PLD5: variants seen among roughly 807,000 people sequenced by gnomAD.
The protein encoded by PLD5 is phospholipase D family member 5, also known as inactive phospholipase D5.
A neutral mutation model predicts 61.1 loss-of-function variants in PLD5; 36 were observed. The ratio of observed to expected loss-of-function variants is 0.59; its 90% CI spans 0.45 to 0.78. The LOEUF is 0.78. Ranked by LOEUF, PLD5 falls within the 30% of genes least tolerant of loss-of-function variation. The pLI is 0.00. For missense variants in PLD5, 515 were observed against 644.4 expected, an observed-to-expected ratio of 0.80 and a Z score of 2.17; for synonymous variants, 243 against 242.8, an observed-to-expected ratio of 1.00 and a Z score of -0.01.
At chr1:242,242,603 G>A (rs1031541615) in intron 4 of PLD5, among the ~76,000 whole-genome samples, 1 of 152,082 alleles carries the variant, frequency 6.6e-6, no homozygotes, top group Admixed American at 6.6e-5. Flanking sequence ...CATTAATCAC[G>A]GATCGTAGAC....
chr1:242,403,887 A>AAG (rs1284795414), intron 1 of PLD5, among the ~76,000 whole-genome samples: 3 of 152,136 alleles, frequency 2.0e-5, no homozygotes, highest in African/African-American at 7.2e-5. Context: ...GAACTAGATG[A>AAG]ACTCTGAGGT....
chr1:242,392,548 T>G (rs1662995369), intron 1 of PLD5, among the ~76,000 whole-genome samples: 1 of 152,188 alleles, frequency 6.6e-6, no homozygotes, highest in Non-Finnish European at 1.5e-5. Context: ...GCAGTGAGAA[T>G]CCGGTTTCCC....
intron 5 of PLD5, among the ~76,000 whole-genome samples, chr1:242,211,026 A>T (rs1363387605): frequency 6.6e-6 from 1 of 152,228 alleles, no homozygotes; most frequent in African/African-American, 2.4e-5. Context: ...CCGTTCTGTA[A>T]CATAGAAGTG....
In PLD5 at chr1:242,113,959, T is replaced by A; in HGVS notation, c.1001A>T (p.Asp334Val). The A allele has an allele frequency of 6.2e-7, 1 of 1,614,158 alleles. No individual in the cohort carries two copies. Among genetic ancestry groups the A allele is most frequent in the Non-Finnish European group, 8.5e-7 (1 of 1,179,990 alleles). ...GATGTACACATACTGCTTGGCATCA[T>A]CTATCACACTGTAGATGGCATCTAT... ...FDIDAIYSVI[D>V]DAKQYVYIAV... The change falls in exon 7 of 10, where the codon GAT (aspartate) becomes GTT (valine). Residue 334 changes from aspartate to valine, a missense_variant. This residue lies in a region of PLD5 where 450 missense variants were observed against 598.1 expected (regional missense o/e 0.75). Coordinates refer to ENST00000536534, the MANE Select transcript of PLD5 (RefSeq NM_001372062.1).
intron 4 of PLD5, among the ~76,000 whole-genome samples, chr1:242,232,314 T>G (rs1671360223): frequency 6.6e-6 from 1 of 152,300 alleles, no homozygotes; most frequent in African/African-American, 2.4e-5. Context: ...GAAAATAGTC[T>G]GAAGAAAAAA....
chr1:242,430,741 T>C (rs544585884), intron 1 of PLD5, among the ~76,000 whole-genome samples: 36 of 152,210 alleles, frequency 2.4e-4, no homozygotes, highest in African/African-American at 6.3e-4. Context: ...CAACCCTCAA[T>C]TGGGAGCAGA....
chr1:242,306,927 G>C lies in PLD5; in HGVS notation c.327-18397C>G, dbSNP rs552433061. Among the ~76,000 whole-genome samples, 62 of 152,380 alleles carry C rather than the reference G, an allele frequency of 4.1e-4. 1 individual carries two copies. Among genetic ancestry groups the C allele is most frequent in the Non-Finnish European group, 4.4e-5 (3 of 68,040 alleles). On this transcript the variant is annotated intron_variant, in intron 2 of 9. Transcript: ENST00000536534. Reference sequence around the variant, plus strand: ...ATTTTTGATAGTGAAATTATACTAAGCTTCCTGGAGAAGGAATCAAGGAGT... The same window carrying C: ...ATTTTTGATAGTGAAATTATACTAACCTTCCTGGAGAAGGAATCAAGGAGT...
At chr1:242,296,727 G>A (rs1675680923) in intron 2 of PLD5, among the ~76,000 whole-genome samples, 1 of 152,022 alleles carries the variant, frequency 6.6e-6, no homozygotes, top group Admixed American at 6.6e-5. Flanking sequence ...TTTTTTTAGA[G>A]ATGGGGTCTT....
chr1:242,494,543 G>A lies in PLD5; in HGVS notation c.189+29545C>T, dbSNP rs112758422. On this transcript the variant is annotated intron_variant, in intron 1 of 9. Transcript: ENST00000536534. ...TACCTCCTGGAGCACACATCTCCCC[G>A]CCTCTAGCCAACATATCTACCTCTG... is the stretch of plus-strand genomic sequence containing the variant. Among the ~76,000 whole-genome samples the A allele has an allele frequency of 6.0e-4, 92 of 152,138 alleles. 1 individual carries two copies. The highest frequency in any genetic ancestry group is 2.0e-3 in the African/African-American group (82 of 41,516).
At chr1:242,239,027 G>A (rs1671823910) in intron 4 of PLD5, among the ~76,000 whole-genome samples, 1 of 152,174 alleles carries the variant, frequency 6.6e-6, no homozygotes, top group South Asian at 2.1e-4. Context: ...TCTATATTAT[G>A]TCATGAAGTA....
At chr1:242,253,047 C>T (rs1396666324) in intron 4 of PLD5, among the ~76,000 whole-genome samples, 2 of 151,250 alleles carry the variant, frequency 1.3e-5, no homozygotes, top group African/African-American at 4.9e-5. Context: ...AAACTCCTGA[C>T]CTCATGATCC....
intron 1 of PLD5, among the ~76,000 whole-genome samples, chr1:242,419,448 T>C (rs1572111225): frequency 6.9e-6 from 1 of 144,380 alleles, no homozygotes; most frequent in Non-Finnish European, 1.5e-5. Context: ...CAGGCTGGAG[T>C]GCAATGGTGC....
intron 5 of PLD5, among the ~76,000 whole-genome samples, chr1:242,215,686 G>C (rs539969196): frequency 6.6e-6 from 1 of 151,964 alleles, no homozygotes. Flanking sequence ...GACCTAACCC[G>C]GTACCAGAAA....
intron 2 of PLD5, among the ~76,000 whole-genome samples, chr1:242,315,248 C>T (rs547877201): frequency 2.0e-5 from 3 of 152,200 alleles, no homozygotes; most frequent in African/African-American, 7.2e-5. Context: ...CCAGATGATT[C>T]AAATAAAAAT....
rs76701865 is a variant in PLD5 at position 242,434,384 on chromosome 1, C to T, written c.190-86142G>A. Among the ~76,000 whole-genome samples the T allele has an allele frequency of 4.7e-4, 72 of 152,286 alleles. 1 individual carries two copies. The East Asian group carries it at 0.013, about 27-fold the overall frequency. ...TGAAATGGGAAAAGCAAGCCTGGGA[C>T]AGGAGAGGTGATCAAGACATTGTTT... On this transcript the variant is annotated intron_variant, in intron 1 of 9. Coordinates refer to ENST00000536534, the MANE Select transcript of PLD5 (RefSeq NM_001372062.1).
At chr1:242,112,303 GT>G (rs758531419) in intron 7 of PLD5, among the ~76,000 whole-genome samples, 25,650 of 117,854 alleles carry the variant, frequency 0.22, 2,409 homozygotes, top group Admixed American at 0.25. Flanking sequence ...GTGTGTGTGT[GT>G]GTGTGTGTGT....
At chr1:242,203,634 G>C (rs1574506974) in intron 5 of PLD5, 1 of 152,886 alleles carries the variant, frequency 6.5e-6, no homozygotes, top group Middle Eastern at 3.3e-3. Context: ...TCCCTCTCTT[G>C]CCACTGATGT....
intron 1 of PLD5, among the ~76,000 whole-genome samples, chr1:242,451,633 G>T (rs941988895): frequency 6.6e-6 from 1 of 151,238 alleles, no homozygotes; most frequent in Admixed American, 6.6e-5. Context: ...CTAATTTTTT[G>T]TATTTTCGTA....
At chr1:242,268,997 C>A (rs1673885798) in intron 3 of PLD5, among the ~76,000 whole-genome samples, 1 of 152,086 alleles carries the variant, frequency 6.6e-6, no homozygotes, top group African/African-American at 2.4e-5. Context: ...CACCTGCCAC[C>A]ATGATCGACT....
Sources: gnomAD v4.1 joint callset for allele counts (sites outside exome capture counted in the v4.1 genomes callset) on GRCh38, gnomAD v4.1.1 for gene constraint, gnomAD v4.1.1 regional missense constraint, MANE v1.5 for transcripts, NCBI Gene and HGNC (gene_info 2026-07-23, HGNC 2026-07-21) for gene names.